Variants in TMEM132D observed in about 807,000 individuals in gnomAD.
TMEM132D encodes the protein transmembrane protein 132D, also known as mature OL transmembrane protein.
Under a neutral mutation model 62.3 loss-of-function variants are expected in TMEM132D, and 21 were observed. The ratio of observed to expected loss-of-function variants is 0.34; its 90% confidence interval spans 0.24 to 0.49. The LOEUF (loss-of-function observed/expected upper bound fraction) is 0.49, where lower values mean the gene tolerates loss of function less well. Among genes scored for constraint, TMEM132D ranks in the 20% least tolerant of loss-of-function variants. The pLI, the probability that TMEM132D is intolerant of heterozygous loss-of-function variation, is 0.99. For synonymous variants in TMEM132D, 621 were observed against 575.6 expected (o/e 1.08, Z -1.13); for missense variants, 1,346 against 1,402.8 (o/e 0.96, Z 0.65).
In TMEM132D at chr12:129,784,091, G is replaced by C. The variant is rs1319499524; in HGVS notation, c.80-83393C>G. Reference sequence around the variant, plus strand: ...TGATGTTATGATTTTCAAGTTTAGGGTGACATTAACTAGCAAAGGCTTCAC... The same window carrying C: ...TGATGTTATGATTTTCAAGTTTAGGCTGACATTAACTAGCAAAGGCTTCAC... On this transcript the variant is annotated intron_variant, in intron 1 of 8. Coordinates refer to ENST00000422113, the MANE Select transcript of TMEM132D (RefSeq NM_133448.3). 3.3e-5 allele frequency among the ~76,000 whole-genome samples: 5 copies of C among 152,152 alleles called. No individual in the cohort carries two copies. The South Asian group carries it at 1.0e-3, about 32-fold the overall frequency.
chr12:129,420,557 C>A (rs1236282240), intron 3 of TMEM132D, among the ~76,000 whole-genome samples: 2 of 152,070 alleles, frequency 1.3e-5, no homozygotes, highest in African/African-American at 4.8e-5. Flanking sequence ...AAAAGGAAAG[C>A]AATTTCTTGT....
At chr12:129,656,002 G>A (rs570248625) in intron 2 of TMEM132D, among the ~76,000 whole-genome samples, 1 of 152,222 alleles carries the variant, frequency 6.6e-6, no homozygotes, top group East Asian at 1.9e-4. Context: ...TACTAGAGCT[G>A]AAGCTGCTTC....
At chr12:129,642,047 G>T (rs191429547) in intron 2 of TMEM132D, among the ~76,000 whole-genome samples, 134 of 152,058 alleles carry the variant, frequency 8.8e-4, no homozygotes, top group African/African-American at 3.1e-3. Context: ...AGAAGTGTGG[G>T]GATGACAGTA....
chr12:129,318,625 C>T (rs917429251), intron 4 of TMEM132D, among the ~76,000 whole-genome samples: 12 of 152,044 alleles, frequency 7.9e-5, no homozygotes, highest in Admixed American at 7.9e-4. Flanking sequence ...GTGGCACTTC[C>T]CAGTTGTAGT....
intron 5 of TMEM132D, among the ~76,000 whole-genome samples, chr12:129,125,500 G>A (rs2895122): frequency 1.9e-5 from 1 of 53,894 alleles, no homozygotes; most frequent in Non-Finnish European, 4.4e-5. Context: ...ATTACTATGA[G>A]TTTTTTTTTT....
chr12:129,896,150 G>C (rs1241635512), intron 1 of TMEM132D, among the ~76,000 whole-genome samples: 1 of 150,922 alleles, frequency 6.6e-6, no homozygotes, highest in Non-Finnish European at 1.5e-5. Context: ...TTTTTGTTTT[G>C]TTTTGTTTTG....
At chr12:129,707,170 AT>A (rs1881525611) in intron 1 of TMEM132D, among the ~76,000 whole-genome samples, 1 of 148,194 alleles carries the variant, frequency 6.7e-6, no homozygotes, top group African/African-American at 2.4e-5. Context: ...TATATATAAT[AT>A]ATACTATATC....
In TMEM132D at chr12:129,867,224, C is replaced by A. The variant is rs932488063; in HGVS notation, c.79+36037G>T. On this transcript the variant is annotated intron_variant, in intron 1 of 8. Coordinates refer to ENST00000422113, the MANE Select transcript of TMEM132D (RefSeq NM_133448.3). The surrounding 1 kb of genome is among the most constrained non-coding windows in gnomAD (Gnocchi z 4.5). ...GCAGTGAGCTAAGATCATGCCACTGCACTCCAGCCTGGGTGACAGAGCCAG... is the reference window on the plus strand; with the variant it reads ...GCAGTGAGCTAAGATCATGCCACTGAACTCCAGCCTGGGTGACAGAGCCAG... Among the ~76,000 whole-genome samples, 2 of 152,128 alleles carry A rather than the reference C, an allele frequency of 1.3e-5. No homozygotes were observed. Among genetic ancestry groups the A allele is most frequent in the African/African-American group, 4.8e-5 (2 of 41,428 alleles).
At chr12:129,581,857 C>A (rs1483585023) in intron 2 of TMEM132D, among the ~76,000 whole-genome samples, 2 of 152,204 alleles carry the variant, frequency 1.3e-5, no homozygotes. Flanking sequence ...AAGTAAACTT[C>A]TTTCTTTATA....
intron 3 of TMEM132D, among the ~76,000 whole-genome samples, chr12:129,473,116 G>A (rs1874143507): frequency 6.6e-6 from 1 of 151,902 alleles, no homozygotes; most frequent in South Asian, 2.1e-4. Context: ...ACCTGCCTCG[G>A]CCTCCCAAGG....
chr12:129,099,040 G>A (rs1212440314), intron 5 of TMEM132D, among the ~76,000 whole-genome samples: 22 of 152,202 alleles, frequency 1.4e-4, no homozygotes, highest in Non-Finnish European at 3.1e-4. Context: ...ATTGCAGGAA[G>A]AAAGATGGAA....
chr12:129,096,867 CAACCTCA>C (rs1396537174), intron 5 of TMEM132D, among the ~76,000 whole-genome samples: 1 of 152,230 alleles, frequency 6.6e-6, no homozygotes, highest in African/African-American at 2.4e-5. Context: ...CATTTTTACA[CAACCTCA>C]AATTTCCACT....
intron 1 of TMEM132D, among the ~76,000 whole-genome samples, chr12:129,862,108 T>C (rs573402974): frequency 6.6e-6 from 1 of 152,290 alleles, no homozygotes; most frequent in Admixed American, 6.5e-5. Flanking sequence ...AAAGCTGCTG[T>C]CTCCTGTTTA....
intron 1 of TMEM132D, among the ~76,000 whole-genome samples, chr12:129,796,118 T>C (rs1044412194): frequency 2.6e-5 from 4 of 152,066 alleles, no homozygotes; most frequent in African/African-American, 7.2e-5. Context: ...GTGGGTTGCT[T>C]GAGCCCAGGA....
chr12:129,757,128 A>G (rs1376800), intron 1 of TMEM132D, among the ~76,000 whole-genome samples: 142,863 of 152,252 alleles, frequency 0.94, 67,715 homozygotes, highest in East Asian at 1. Flanking sequence ...CAGGAAAAAT[A>G]AGAAGAATGC....
chr12:129,347,130 G>T (rs1199754294), intron 3 of TMEM132D, among the ~76,000 whole-genome samples: 1 of 152,132 alleles, frequency 6.6e-6, no homozygotes, highest in Non-Finnish European at 1.5e-5. Flanking sequence ...TGGCCATGCT[G>T]CCCAAAGTAA....
At chr12:129,475,152 A>C (rs1418582521) in intron 3 of TMEM132D, among the ~76,000 whole-genome samples, 1 of 152,248 alleles carries the variant, frequency 6.6e-6, no homozygotes, top group Admixed American at 6.5e-5. Flanking sequence ...TAGCTGTAGG[A>C]CATCCAGTAA....
intron 5 of TMEM132D, among the ~76,000 whole-genome samples, chr12:129,086,837 T>G (rs924236545): frequency 6.6e-6 from 1 of 151,948 alleles, no homozygotes; most frequent in African/African-American, 2.4e-5. Context: ...AGTGCAGGTA[T>G]TTTTTCAATG....
At chr12:129,623,735 A>G (rs1879140392) in intron 2 of TMEM132D, among the ~76,000 whole-genome samples, 1 of 135,588 alleles carries the variant, frequency 7.4e-6, no homozygotes, top group Non-Finnish European at 1.6e-5. Flanking sequence ...ATACATATAT[A>G]CATATATATA....
Sources: gnomAD v4.1 joint callset for allele counts (sites outside exome capture counted in the v4.1 genomes callset) on GRCh38, gnomAD v4.1.1 for gene constraint, Gnocchi (gnomAD v3.1) non-coding constraint, MANE v1.5 for transcripts, NCBI Gene and HGNC (gene_info 2026-07-23, HGNC 2026-07-21) for gene names.